The following NELL1 variants were observed in gnomAD, a reference collection of about 807,000 sequenced individuals.
NELL1 encodes the protein protein kinase C-binding protein NELL1.
Under a neutral mutation model 107.4 loss-of-function variants are expected in NELL1, and 76 were observed. That is an observed-to-expected ratio of 0.71 (90% CI 0.59 to 0.86). The LOEUF (loss-of-function observed/expected upper bound fraction) is 0.86, where lower values mean the gene tolerates loss of function less well. Among genes scored for constraint, NELL1 ranks in the 40% least tolerant of loss-of-function variants. NELL1 has a pLI of 0.00. For synonymous variants in NELL1, 353 were observed against 341.2 expected (o/e 1.03, Z -0.38); for missense variants, 1,024 against 1,005.5 (o/e 1.02, Z -0.25).
chr11:21,151,190 C>T (rs942546256), intron 13 of NELL1, among the ~76,000 whole-genome samples: 2 of 152,156 alleles, frequency 1.3e-5, no homozygotes, highest in African/African-American at 4.8e-5. Context: ...TACCCTGTGG[C>T]CTAGCTGTGT....
chr11:20,980,698 T>C (rs2134243340), intron 12 of NELL1, among the ~76,000 whole-genome samples: 1 of 152,354 alleles, frequency 6.6e-6, no homozygotes, highest in Non-Finnish European at 1.5e-5. Context: ...CTATCTCCTC[T>C]CTCTGTCTCT....
intron 2 of NELL1, among the ~76,000 whole-genome samples, chr11:20,681,263 A>G (rs988378855): frequency 1.3e-5 from 2 of 152,134 alleles, no homozygotes; most frequent in African/African-American, 4.8e-5. Flanking sequence ...TTTGCCATAA[A>G]TAGCAAGAAG....
intron 2 of NELL1, among the ~76,000 whole-genome samples, chr11:20,742,239 C>A (rs1045537550): frequency 1.3e-5 from 2 of 152,182 alleles, no homozygotes; most frequent in Non-Finnish European, 2.9e-5. Flanking sequence ...CGGACACATC[C>A]TCCCAAGCTG....
chr11:21,228,125 C>A (rs530980523), intron 13 of NELL1, among the ~76,000 whole-genome samples: 1 of 151,968 alleles, frequency 6.6e-6, no homozygotes, highest in Non-Finnish European at 1.5e-5. Context: ...GATTTTTCTT[C>A]TTAAAATTTG....
intron 13 of NELL1, among the ~76,000 whole-genome samples, chr11:21,190,190 T>C (rs1234098931): frequency 6.6e-6 from 1 of 151,626 alleles, no homozygotes; most frequent in Non-Finnish European, 1.5e-5. Flanking sequence ...CTGTCTCGTC[T>C]AAAATACAAA....
intron 15 of NELL1, among the ~76,000 whole-genome samples, chr11:21,500,863 A>G (rs1450660308): frequency 6.6e-6 from 1 of 152,166 alleles, no homozygotes; most frequent in East Asian, 1.9e-4. Context: ...CTGATGTCCA[A>G]CATCATACTT....
chr11:21,261,841 TC>T (rs1848540258), intron 14 of NELL1, among the ~76,000 whole-genome samples: 1 of 151,908 alleles, frequency 6.6e-6, no homozygotes, highest in African/African-American at 2.4e-5. Flanking sequence ...CTATTTCCTA[TC>T]CCTAGAGGCA....
At chr11:21,255,503 T>C (rs941450696) in intron 14 of NELL1, among the ~76,000 whole-genome samples, 8 of 151,984 alleles carry the variant, frequency 5.3e-5, no homozygotes, top group Non-Finnish European at 5.9e-5. Context: ...TTTGGCAAGA[T>C]TGCATTCAGG....
At chr11:20,858,965 G>A (rs1848930173) in intron 4 of NELL1, among the ~76,000 whole-genome samples, 1 of 152,180 alleles carries the variant, frequency 6.6e-6, no homozygotes, top group Admixed American at 6.5e-5. Context: ...GGCCTTGGCG[G>A]CTGCATTATT....
intron 13 of NELL1, among the ~76,000 whole-genome samples, chr11:21,145,077 A>G (rs926072962): frequency 6.6e-6 from 1 of 152,204 alleles, no homozygotes; most frequent in African/African-American, 2.4e-5. Context: ...AAGCGCTTGG[A>G]AAAATGCCAG....
chr11:20,847,541 C>T, intron 3 of NELL1, 42 bp from the exon 4 acceptor site: 6 of 1,584,666 alleles, frequency 3.8e-6, no homozygotes, highest in Middle Eastern at 1.7e-4. Flanking sequence ...GCTGTGATAT[C>T]CAGAACTAAA....
At chr11:20,724,552 T>C (rs184000881) in intron 2 of NELL1, among the ~76,000 whole-genome samples, 2 of 152,326 alleles carry the variant, frequency 1.3e-5, no homozygotes, top group East Asian at 1.9e-4. Context: ...AAGCATAGCA[T>C]GAGTGACCTT....
At chr11:20,918,099 C>T (rs1391921329) in intron 5 of NELL1, 83 bp from the exon 6 acceptor site, 5 of 800,060 alleles carry the variant, frequency 6.2e-6, no homozygotes, top group Admixed American at 1.9e-5. Context: ...ATAATCTGAC[C>T]TGCCAAGAGT....
chr11:20,808,936 T>G (rs964549281), intron 3 of NELL1, among the ~76,000 whole-genome samples: 3 of 152,224 alleles, frequency 2.0e-5, no homozygotes, highest in Non-Finnish European at 4.4e-5. Flanking sequence ...TTCAGTGATA[T>G]GAAGTTAAAA....
At chr11:20,701,106 C>G (rs1854771033) in intron 2 of NELL1, among the ~76,000 whole-genome samples, 1 of 152,162 alleles carries the variant, frequency 6.6e-6, no homozygotes, top group African/African-American at 2.4e-5. Flanking sequence ...AATGGTTGGA[C>G]TAGTTTACAG....
intron 18 of NELL1, among the ~76,000 whole-genome samples, chr11:21,572,856 C>A (rs910216241): frequency 5.9e-5 from 9 of 151,750 alleles, no homozygotes; most frequent in African/African-American, 2.2e-4. Context: ...AAGTAACAAG[C>A]AGAAAGTCTG....
At chr11:21,209,889 C>T (rs755106930) in intron 13 of NELL1, among the ~76,000 whole-genome samples, 15 of 152,266 alleles carry the variant, frequency 9.9e-5, no homozygotes, top group Non-Finnish European at 2.1e-4. Flanking sequence ...AATCATTACC[C>T]ATTCTGCTGA....
Position 20,673,572 on chromosome 11 carries a change from G to A in NELL1, c.55+3794G>A, listed in dbSNP as rs534472259. On this transcript the variant is annotated intron_variant, in intron 1 of 19. Transcript: ENST00000357134. Reference sequence around the variant, plus strand: ...GCCCGAGCATTCCCTGGGTGGGGGTGAGGAGCAGCCAATAGCAGCAGTAGC... The same window carrying A: ...GCCCGAGCATTCCCTGGGTGGGGGTAAGGAGCAGCCAATAGCAGCAGTAGC... Among the ~76,000 whole-genome samples the A allele has an allele frequency of 2.0e-5, 3 of 152,342 alleles. No individual in the cohort carries two copies. The East Asian group carries it at 5.8e-4, about 29-fold the overall frequency.
chr11:21,372,546 A>G (rs923544988), intron 15 of NELL1, among the ~76,000 whole-genome samples: 2 of 151,986 alleles, frequency 1.3e-5, no homozygotes, highest in Non-Finnish European at 2.9e-5. Context: ...TTATGCAATT[A>G]TTAGAACTGA....
Sources: gnomAD v4.1 joint callset for allele counts (sites outside exome capture counted in the v4.1 genomes callset) on GRCh38, gnomAD v4.1.1 for gene constraint, MANE v1.5 for transcripts, NCBI Gene and HGNC (gene_info 2026-07-23, HGNC 2026-07-21) for gene names.